Variants in FAHD2A observed in about 807,000 individuals in gnomAD.
FAHD2A encodes the protein fumarylacetoacetate hydrolase domain containing 2A, also known as oxaloacetate tautomerase FAHD2A, mitochondrial.
FAHD2A carries 27 observed loss-of-function variants against 33.4 expected under a neutral mutation model. The observed-to-expected ratio is 0.81, with a 90% CI of 0.60 to 1.11. FAHD2A has a LOEUF of 1.11. FAHD2A is among the 50% of genes most tolerant of loss of function. The pLI is 0.00. For synonymous variants in FAHD2A, 130 were observed against 153.3 expected (o/e 0.85, Z 1.12); for missense variants, 296 against 395.0 (o/e 0.75, Z 2.12).
chr2:95,412,787 GC>G (rs757172833), intron 7 of FAHD2A, 23 bp downstream of exon 7: 1 of 1,614,190 alleles, frequency 6.2e-7, no homozygotes, highest in African/African-American at 1.3e-5. Flanking sequence ...AAAGCAAAGA[GC>G]AAGGGCCCCA....
chr2:95,416,200 C>T lies in FAHD2A; in HGVS notation c.*3243C>T, dbSNP rs964367112. 6.6e-6 allele frequency: 1 copy of T among 152,224 alleles called. No homozygotes were observed. Among genetic ancestry groups the T allele is most frequent in the Non-Finnish European group, 1.5e-5 (1 of 68,048 alleles). The allele number at this position is 152,224 out of a possible 1,614,324, so 9.4% of individuals were successfully genotyped here. A position where few individuals can be genotyped will look rare whatever the true frequency, so the allele number is the denominator to read the frequency against. On this transcript the variant is annotated 3_prime_UTR_variant, in exon 8 of 8. Transcript: ENST00000233379. ...CACGTGTGGGGCTTTGTGTGGGTGA[C>T]TCTCTGGCTCCCCAAGCCTCCCTTT...
Position 95,414,070 on chromosome 2 carries a change from G to A in FAHD2A, c.*1113G>A. On this transcript the variant is annotated 3_prime_UTR_variant, in exon 8 of 8. Coordinates refer to ENST00000233379, the MANE Select transcript of FAHD2A (RefSeq NM_016044.3). ...GGTAGGGAGGACAGGGAGACACTGG[G>A]CACAGGCTTCTCTCCTCTTGTTTAA... 7.1e-7 allele frequency: 1 copy of A among 1,409,198 alleles called. No individual in the cohort carries two copies. Among genetic ancestry groups the A allele is most frequent in the Admixed American group, 1.7e-5 (1 of 58,720 alleles). The allele number at this position is 1,409,198 out of a possible 1,614,324, so 87.3% of individuals were successfully genotyped here. A position where few individuals can be genotyped will look rare whatever the true frequency, so the allele number is the denominator to read the frequency against.
chr2:95,420,267 A>C (rs551469024), downstream of FAHD2A, among the ~76,000 whole-genome samples: 225 of 152,276 alleles, frequency 1.5e-3, 1 homozygote, highest in Non-Finnish European at 2.7e-3. Flanking sequence ...AAGTTGATAC[A>C]TAAAATTAAC....
intron 5 of FAHD2A, among the ~76,000 whole-genome samples, 174 bp from the exon 6 acceptor site, chr2:95,412,260 G>A (rs531412182): frequency 6.6e-6 from 1 of 152,174 alleles, no homozygotes; most frequent in South Asian, 2.1e-4. Context: ...GGGGAGGCCT[G>A]AGAAGGCCAA....
At position 95,414,599 on chromosome 2, in the gene FAHD2A, C is replaced by G; in HGVS notation, c.*1642C>G. The G allele has an allele frequency of 4.1e-6, 1 of 245,448 alleles. No homozygotes were observed. Among genetic ancestry groups the G allele is most frequent in the Admixed American group, 5.1e-5 (1 of 19,466 alleles). 15.2% of individuals were successfully genotyped at this position (245,448 alleles called of 1,614,324 possible). A position where few individuals can be genotyped will look rare whatever the true frequency, so the allele number is the denominator to read the frequency against. ...CCCTGCTCCAGAATTCTACTTGGTG[C>G]CCCCCAACCCCACTCGACTCATTGT... On this transcript the variant is annotated 3_prime_UTR_variant, in exon 8 of 8. Transcript: ENST00000233379.
chr2:95,404,912 A>C (rs1681284537), intron 1 of FAHD2A, among the ~76,000 whole-genome samples: 1 of 152,220 alleles, frequency 6.6e-6, no homozygotes. Context: ...CGCTGCTCCT[A>C]GAAGACTGGG....
At chr2:95,407,466 G>A (rs1681783721) in intron 3 of FAHD2A, 1 of 444,072 alleles carries the variant, frequency 2.3e-6, no homozygotes, top group African/African-American at 2.0e-5. Flanking sequence ...CCTTCCCAGT[G>A]TTTCTCCGCT....
At chr2:95,406,038 A>G (rs1681488607) in intron 2 of FAHD2A, among the ~76,000 whole-genome samples, 1 of 151,724 alleles carries the variant, frequency 6.6e-6, no homozygotes, top group African/African-American at 2.4e-5. Context: ...AAGGCCATAC[A>G]TGTGGTGCTG....
chr2:95,410,110 T>G (rs1682227409), intron 3 of FAHD2A, among the ~76,000 whole-genome samples: 2 of 152,270 alleles, frequency 1.3e-5, no homozygotes, highest in Admixed American at 1.3e-4. Context: ...TTTTGTGAAT[T>G]GCTTACTCAA....
At chr2:95,416,905 C>T (rs1407674491), downstream of FAHD2A, among the ~76,000 whole-genome samples, 2 of 152,234 alleles carry the variant, frequency 1.3e-5, no homozygotes, top group African/African-American at 4.8e-5. Context: ...CCTAAGGATC[C>T]ACCCAGGACA....
chr2:95,418,868 A>C (rs1419248339), downstream of FAHD2A, among the ~76,000 whole-genome samples: 1 of 152,082 alleles, frequency 6.6e-6, no homozygotes, highest in Non-Finnish European at 1.5e-5. Context: ...TCTTATTTGA[A>C]AATAAAGTCT....
chr2:95,411,782 T>G (rs1682557952), intron 5 of FAHD2A, among the ~76,000 whole-genome samples: 2 of 152,136 alleles, frequency 1.3e-5, no homozygotes, highest in African/African-American at 4.8e-5. Context: ...CCTCACTGCT[T>G]TATAGATGCT....
At position 95,404,203 on chromosome 2, in the gene FAHD2A, A is replaced by G. The variant is rs536258301; in HGVS notation, c.-7+1331A>G. On this transcript the variant is annotated intron_variant, in intron 1 of 7. Coordinates refer to ENST00000233379, the MANE Select transcript of FAHD2A (RefSeq NM_016044.3). ...GGGAAGGCACCATGTGGTAAGGAAT[A>G]GAGGCCAGACGTGGATTAAGAACAA... Among the ~76,000 whole-genome samples the G allele has an allele frequency of 3.3e-5, 5 of 152,350 alleles. No homozygotes were observed. In the South Asian group the frequency reaches 1.0e-3, roughly 32 times the overall value.
chr2:95,416,297 A>C lies in FAHD2A; in HGVS notation c.*3340A>C, dbSNP rs1382960494. ...GCAATTGTCAAATGAGTCCATATGC[A>C]GTGAGTACCGTGTTGAGGGAGGACA... On this transcript the variant is annotated 3_prime_UTR_variant, in exon 8 of 8. Transcript: ENST00000233379. 6.6e-6 allele frequency: 1 copy of C among 152,296 alleles called. No homozygotes were observed. The highest frequency in any genetic ancestry group is 6.5e-5 in the Admixed American group (1 of 15,296). 9.4% of individuals were successfully genotyped at this position (152,296 alleles called of 1,614,324 possible). A position where few individuals can be genotyped will look rare whatever the true frequency, so the allele number is the denominator to read the frequency against.
Position 95,412,888 on chromosome 2 carries a change from G to A in FAHD2A, c.883-7G>A. The A allele has an allele frequency of 6.2e-7, 1 of 1,614,256 alleles. No individual in the cohort carries two copies. Among genetic ancestry groups the A allele is most frequent in the Non-Finnish European group, 8.5e-7 (1 of 1,180,050 alleles). On this transcript the variant is annotated splice_region_variant and splice_polypyrimidine_tract_variant and intron_variant, in intron 7 of 7. Coordinates refer to ENST00000233379, the MANE Select transcript of FAHD2A (RefSeq NM_016044.3). ...GGCTGACACTGTCATGGCCTGCTCT[G>A]TTGCAGAAGGGGGATGAAGTCCAGT...
intron 1 of FAHD2A, chr2:95,405,235 C>A (rs960775655): frequency 5.7e-5 from 17 of 296,346 alleles, no homozygotes; most frequent in African/African-American, 3.4e-4. Flanking sequence ...GGGAGAATGG[C>A]AGGGCTGAGT....
chr2:95,413,357 C>G lies in FAHD2A; in HGVS notation c.*400C>G. On this transcript the variant is annotated 3_prime_UTR_variant, in exon 8 of 8. Coordinates refer to ENST00000233379, the MANE Select transcript of FAHD2A (RefSeq NM_016044.3). Reference sequence around the variant, plus strand: ...CAAGCCTCAATGATTATATTTATAGCTAAGGGTTTGCAGCCTCCTCTCCAT... The same window carrying G: ...CAAGCCTCAATGATTATATTTATAGGTAAGGGTTTGCAGCCTCCTCTCCAT... The G allele has an allele frequency of 6.5e-7, 1 of 1,526,980 alleles. No individual in the cohort carries two copies. Among genetic ancestry groups the G allele is most frequent in the Non-Finnish European group, 8.8e-7 (1 of 1,141,080 alleles). The allele number at this position is 1,526,980 out of a possible 1,614,324, so 94.6% of individuals were successfully genotyped here.
Position 95,414,113 on chromosome 2 carries a change from T to C in FAHD2A, c.*1156T>C. On this transcript the variant is annotated 3_prime_UTR_variant, in exon 8 of 8. Transcript: ENST00000233379. ...TTGTTTAAAGAAGCCCAGGGAGGGA[T>C]AGATCTCCGACTGGACAGAAGACTA... 6.8e-7 allele frequency: 1 copy of C among 1,470,328 alleles called. No individual in the cohort carries two copies. The highest frequency in any genetic ancestry group is 1.4e-5 in the African/African-American group (1 of 71,738). The allele number at this position is 1,470,328 out of a possible 1,614,324, so 91.1% of individuals were successfully genotyped here.
downstream of FAHD2A, among the ~76,000 whole-genome samples, chr2:95,421,046 T>A (rs1208254155): frequency 1.7e-4 from 22 of 127,524 alleles, no homozygotes; most frequent in South Asian, 5.5e-3. Flanking sequence ...TGTGTGTGTG[T>A]GTCCCCAGGA....
Sources: gnomAD v4.1 joint callset for allele counts (sites outside exome capture counted in the v4.1 genomes callset) on GRCh38, gnomAD v4.1.1 for gene constraint, MANE v1.5 for transcripts, NCBI Gene and HGNC (gene_info 2026-07-23, HGNC 2026-07-21) for gene names.